The following CERS3 variants were observed in gnomAD, a reference collection of about 807,000 sequenced individuals.
CERS3 encodes LAG1 homolog, ceramide synthase 3.
CERS3 carries 33 observed loss-of-function variants against 50.3 expected under a neutral mutation model. The observed-to-expected ratio is 0.66, with a 90% CI of 0.50 to 0.88. The LOEUF is 0.88. CERS3 is among the 40% of genes least tolerant of loss of function. The probability of loss-of-function intolerance (pLI) is 0.00; values close to 1 mark genes in which losing one functional copy is unlikely to be tolerated. For missense variants in CERS3, 470 were observed against 460.3 expected (o/e 1.02, Z -0.19); for synonymous variants, 176 against 155.2 (o/e 1.13, Z -0.99).
intron 11 of CERS3, among the ~76,000 whole-genome samples, chr15:100,440,518 G>A (rs764500505): frequency 2.0e-5 from 3 of 152,096 alleles, no homozygotes; most frequent in East Asian, 1.9e-4. Flanking sequence ...CTCTCTATTC[G>A]GACTCAGCCT....
intron 3 of CERS3, among the ~76,000 whole-genome samples, chr15:100,496,534 G>T (rs1449577190): frequency 1.3e-5 from 2 of 152,136 alleles, no homozygotes; most frequent in East Asian, 3.8e-4. Context: ...GGTAGCGAGG[G>T]TATTAACTGA....
intron 11 of CERS3, among the ~76,000 whole-genome samples, chr15:100,445,318 A>C (rs981696583): frequency 6.9e-6 from 1 of 143,968 alleles, no homozygotes; most frequent in African/African-American, 2.6e-5. Flanking sequence ...TTACACTGCC[A>C]GTTTACACTG....
chr15:100,424,638 G>A (rs985053881), intron 11 of CERS3, among the ~76,000 whole-genome samples: 6 of 152,188 alleles, frequency 3.9e-5, no homozygotes, highest in African/African-American at 1.4e-4. Flanking sequence ...TAGGGTATCT[G>A]GTAGAAGAAA....
At chr15:100,473,253 TGA>T (rs967199639) in intron 8 of CERS3, among the ~76,000 whole-genome samples, 1 of 152,134 alleles carries the variant, frequency 6.6e-6, no homozygotes, top group African/African-American at 2.4e-5. Flanking sequence ...CATTTAACGT[TGA>T]GATACCATCC....
chr15:100,509,131 G>T (rs778226492), intron 2 of CERS3, among the ~76,000 whole-genome samples: 4 of 152,076 alleles, frequency 2.6e-5, no homozygotes, highest in African/African-American at 9.7e-5. Flanking sequence ...CTAATGTAGG[G>T]GGTTCACGGT....
chr15:100,456,566 T>A (rs2034379239), intron 10 of CERS3, among the ~76,000 whole-genome samples: 1 of 152,162 alleles, frequency 6.6e-6, no homozygotes, highest in Admixed American at 6.5e-5. Flanking sequence ...TAAAGTAAAT[T>A]GTATGCTTTA....
At chr15:100,516,918 A>T (rs905548) in intron 2 of CERS3, among the ~76,000 whole-genome samples, 91,121 of 152,190 alleles carry the variant, frequency 0.6, 27,473 homozygotes, top group Admixed American at 0.64. Flanking sequence ...TTCCAGGACA[A>T]GACATGTGAG....
At chr15:100,420,813 C>G (rs1275254975) in intron 11 of CERS3, among the ~76,000 whole-genome samples, 1 of 152,060 alleles carries the variant, frequency 6.6e-6, no homozygotes, top group Non-Finnish European at 1.5e-5. Context: ...AGCATATAAA[C>G]AGAACCAGAG....
intron 2 of CERS3, among the ~76,000 whole-genome samples, chr15:100,509,107 A>G (rs1044039982): frequency 1.3e-5 from 2 of 152,164 alleles, no homozygotes; most frequent in East Asian, 3.9e-4. Context: ...AAAGTTTCCA[A>G]GAAGACAATG....
At chr15:100,447,748 G>A (rs371134389) in intron 11 of CERS3, among the ~76,000 whole-genome samples, 9 of 152,208 alleles carry the variant, frequency 5.9e-5, no homozygotes, top group South Asian at 2.1e-4. Flanking sequence ...TCTGGGGCCT[G>A]TATGTACCAC....
At chr15:100,504,677 G>C (rs1410623795) in intron 2 of CERS3, among the ~76,000 whole-genome samples, 3 of 152,138 alleles carry the variant, frequency 2.0e-5, no homozygotes, top group Admixed American at 1.3e-4. Flanking sequence ...CTCTTGATTA[G>C]GCTTCGGGGA....
At chr15:100,473,343 T>A (rs1342448791) in intron 8 of CERS3, among the ~76,000 whole-genome samples, 1 of 152,138 alleles carries the variant, frequency 6.6e-6, no homozygotes, top group Non-Finnish European at 1.5e-5. Context: ...TATTCCTGTG[T>A]ACACCTACAG....
chr15:100,413,171 T>C (rs2031617454), intron 11 of CERS3, among the ~76,000 whole-genome samples: 1 of 152,232 alleles, frequency 6.6e-6, no homozygotes, highest in African/African-American at 2.4e-5. Flanking sequence ...ATTCTCCAAA[T>C]TGCCATATTT....
intron 2 of CERS3, among the ~76,000 whole-genome samples, chr15:100,520,568 G>T (rs774421078): frequency 2.6e-5 from 4 of 152,192 alleles, no homozygotes; most frequent in Non-Finnish European, 5.9e-5. Flanking sequence ...GGCTTATAAT[G>T]CTTCCTCCTT....
At chr15:100,458,513 G>A (rs1002144713) in intron 10 of CERS3, among the ~76,000 whole-genome samples, 3 of 151,810 alleles carry the variant, frequency 2.0e-5, no homozygotes, top group African/African-American at 7.3e-5. Context: ...TTGAACCTGG[G>A]AGGCAGAGCG....
chr15:100,410,750 C>T lies in CERS3; in HGVS notation c.1000-7885G>A, dbSNP rs138196319. On this transcript the variant is annotated intron_variant, in intron 11 of 11. Coordinates refer to ENST00000679737, the MANE Select transcript of CERS3 (RefSeq NM_001378789.1). ...CAGAATACCATTACCAAGACAACAG[C>T]CCTGACTTCCCACAGTCTAGAAGTG... 5.2e-3 allele frequency among the ~76,000 whole-genome samples: 797 copies of T among 152,308 alleles called. 7 individuals are homozygous for T. The highest frequency in any genetic ancestry group is 0.018 in the African/African-American group (764 of 41,564).
intron 7 of CERS3, among the ~76,000 whole-genome samples, chr15:100,477,387 CAG>C (rs1403294344): frequency 6.6e-6 from 1 of 152,112 alleles, no homozygotes; most frequent in Non-Finnish European, 1.5e-5. Context: ...AAGAGTGAGA[CAG>C]AGTTTCTGCT....
intron 1 of CERS3, among the ~76,000 whole-genome samples, chr15:100,535,826 C>T (rs1366277467): frequency 5.2e-4 from 43 of 82,458 alleles, no homozygotes; most frequent in African/African-American, 6.1e-4. Flanking sequence ...GAAGTGGGGA[C>T]ATCCCTATGC....
chr15:100,406,341 A>T (rs2031023502), intron 11 of CERS3, among the ~76,000 whole-genome samples: 1 of 152,206 alleles, frequency 6.6e-6, no homozygotes. Flanking sequence ...CCATAACTGT[A>T]CAACTTCTTT....
Sources: gnomAD v4.1 joint callset for allele counts (sites outside exome capture counted in the v4.1 genomes callset) on GRCh38, gnomAD v4.1.1 for gene constraint, MANE v1.5 for transcripts, NCBI Gene and HGNC (gene_info 2026-07-23, HGNC 2026-07-21) for gene names.